DSCAML1: variants seen among roughly 807,000 people sequenced by gnomAD.
DSCAML1 encodes the protein DS cell adhesion molecule like 1, also known as cell adhesion molecule DSCAML1.
Under a neutral mutation model 200.5 loss-of-function variants are expected in DSCAML1, and 38 were observed. That is an observed-to-expected ratio of 0.19 (90% CI 0.15 to 0.25). The LOEUF is 0.25. Ranked by LOEUF, DSCAML1 falls within the 10% of genes least tolerant of loss-of-function variation. The pLI is 1.00. For synonymous variants in DSCAML1, 1,215 were observed against 1,165.0 expected (o/e 1.04, Z -0.87); for missense variants, 2,223 against 2,858.8 (o/e 0.78, Z 5.07).
chr11:117,481,001 T>C (rs946725178), intron 13 of DSCAML1, among the ~76,000 whole-genome samples, 173 bp downstream of exon 13: 4 of 152,160 alleles, frequency 2.6e-5, no homozygotes, highest in Admixed American at 1.3e-4. Flanking sequence ...AAAGGTCTTA[T>C]TTCCCTACTC....
In DSCAML1 at chr11:117,516,352, T is replaced by A; in HGVS notation, c.1783+115A>T. On this transcript the variant is annotated intron_variant, in intron 8 of 32. Coordinates refer to ENST00000651296, the MANE Select transcript of DSCAML1 (RefSeq NM_020693.4). The surrounding 1 kb of genome is among the most constrained non-coding windows in gnomAD (Gnocchi z 5.7). ...AATGCCAAGCTGGGGCCTCTCTTGC[T>A]CAGCCTTCCGTTCACCCAGGATTGC... 1 of 1,360,466 alleles carries A rather than the reference T, an allele frequency of 7.4e-7. No homozygotes were observed. The highest frequency in any genetic ancestry group is 1.4e-5 in the South Asian group (1 of 69,576). 84.3% of individuals were successfully genotyped at this position (1,360,466 alleles called of 1,614,324 possible).
At chr11:117,708,042 T>C (rs1285398309) in intron 3 of DSCAML1, among the ~76,000 whole-genome samples, 1 of 152,162 alleles carries the variant, frequency 6.6e-6, no homozygotes, top group African/African-American at 2.4e-5. Context: ...GCAACTAGCT[T>C]CAACCAGCTG....
At chr11:117,700,821 C>A (rs2053654152) in intron 3 of DSCAML1, among the ~76,000 whole-genome samples, 1 of 152,178 alleles carries the variant, frequency 6.6e-6, no homozygotes, top group South Asian at 2.1e-4. Context: ...AGAGCAGGAC[C>A]TTCTATAATA....
At chr11:117,683,450 T>G (rs1377473714) in intron 3 of DSCAML1, among the ~76,000 whole-genome samples, 2 of 152,270 alleles carry the variant, frequency 1.3e-5, no homozygotes, top group Admixed American at 1.3e-4. Flanking sequence ...TTCAGTCATC[T>G]GCGAGTTTCT....
chr11:117,609,030 AC>A (rs1455516771), intron 3 of DSCAML1, among the ~76,000 whole-genome samples: 4,753 of 116,492 alleles, frequency 0.041, 193 homozygotes, highest in African/African-American at 0.11. Flanking sequence ...AAACAAACAA[AC>A]AAACAAAAAA....
intron 3 of DSCAML1, among the ~76,000 whole-genome samples, chr11:117,569,599 C>T (rs116477903): frequency 2.9e-3 from 448 of 152,348 alleles, no homozygotes; most frequent in African/African-American, 0.01. Context: ...CACCAAGCCA[C>T]TTCCCTCATT....
At position 117,654,721 on chromosome 11, in the gene DSCAML1, C is replaced by T. The variant is rs76253557; in HGVS notation, c.511+122070G>A. 6.8e-3 allele frequency among the ~76,000 whole-genome samples: 1,043 copies of T among 152,288 alleles called. 20 individuals are homozygous for T. In the East Asian group the frequency reaches 0.075, roughly 11 times the overall value. ...TTAAATTGGAAGAGACCTAAGAGAT[C>T]AATCCAGAACACAGCTAGGACGGCC... On this transcript the variant is annotated intron_variant, in intron 3 of 32. Coordinates refer to ENST00000651296, the MANE Select transcript of DSCAML1 (RefSeq NM_020693.4).
In DSCAML1 at chr11:117,505,077, T is replaced by C; in HGVS notation, c.2063-34A>G. On this transcript the variant is annotated intron_variant, in intron 9 of 32. Transcript: ENST00000651296. This position sits in a 1 kb window ranked among gnomAD's most constrained non-coding sequence, Gnocchi z 6.7. ...AGAGGGAAGGTAGGGAAACAGACCA[T>C]TTTAGTCTCTGATGGGTCTCCTAGG... 6.3e-7 allele frequency: 1 copy of C among 1,597,244 alleles called. No homozygotes were observed. Among genetic ancestry groups the C allele is most frequent in the Non-Finnish European group, 8.6e-7 (1 of 1,168,930 alleles).
chr11:117,428,507 G>A lies in DSCAML1; in HGVS notation c.5983C>T (p.Pro1995Ser), dbSNP rs1192587567. ...PPAPGPTPAE[P>S]PTAPSAAPPA... ...GGGGCAGCGCTGGGGGCGGTGGGTGGCTCAGCAGGGGTGGGGCCGGGGGCT... is the reference window on the plus strand; with the variant it reads ...GGGGCAGCGCTGGGGGCGGTGGGTGACTCAGCAGGGGTGGGGCCGGGGGCT... The change falls in exon 33 of 33, where the codon CCA becomes TCA. Residue 1995 changes from proline to serine, a missense_variant. By Grantham distance (74) the Pro-to-Ser change is moderately conservative. Around this residue, in one of 7 missense-constraint regions of DSCAML1, gnomAD observed 280 missense variants for 213.4 expected, o/e 1.31. Coordinates refer to ENST00000651296, the MANE Select transcript of DSCAML1 (RefSeq NM_020693.4). 6.8e-7 allele frequency: 1 copy of A among 1,480,742 alleles called. No individual in the cohort carries two copies. The highest frequency in any genetic ancestry group is 1.3e-5 in the South Asian group (1 of 77,440). The allele number at this position is 1,480,742 out of a possible 1,614,324, so 91.7% of individuals were successfully genotyped here.
intron 20 of DSCAML1, among the ~76,000 whole-genome samples, chr11:117,446,794 AC>A (rs1449105502): frequency 6.6e-6 from 1 of 152,234 alleles, no homozygotes; most frequent in Non-Finnish European, 1.5e-5. Flanking sequence ...TGTATGCAGA[AC>A]TTTAAGAATA....
Position 117,463,663 on chromosome 11 carries a change from G to A in DSCAML1, c.3265+1279C>T, listed in dbSNP as rs1250841314. 6.6e-6 allele frequency among the ~76,000 whole-genome samples: 1 copy of A among 152,192 alleles called. No homozygotes were observed. The highest frequency in any genetic ancestry group is 1.5e-5 in the Non-Finnish European group (1 of 68,028). Reference sequence around the variant, plus strand: ...TCTCAGGGTGGGAGGGATGGAGAGGGATAGCGAGGGCCATGGGCTGAGGGC... The same window carrying A: ...TCTCAGGGTGGGAGGGATGGAGAGGAATAGCGAGGGCCATGGGCTGAGGGC... On this transcript the variant is annotated intron_variant, in intron 17 of 32. Coordinates refer to ENST00000651296, the MANE Select transcript of DSCAML1 (RefSeq NM_020693.4). The surrounding 1 kb of genome is among the most constrained non-coding windows in gnomAD (Gnocchi z 4.0).
rs762901777 is a variant in DSCAML1, at chr11:117,481,251, C to T, written c.2579G>A (p.Gly860Glu). Reference sequence around the variant, plus strand: ...ATGGCAGCTGAAGAACACAGAGTCCCCACGGTCAGCGGGCTTGAGCTGGGA... The same window carrying T: ...ATGGCAGCTGAAGAACACAGAGTCCTCACGGTCAGCGGGCTTGAGCTGGGA... Reference protein sequence around the residue: ...STLKLKPADRGDSVFFSCHAI... With the variant: ...STLKLKPADREDSVFFSCHAI... Residue 860 changes from glycine (G) to glutamate (E), a missense_variant, in exon 13 of 33, where the codon GGG (glycine) becomes GAG (glutamate). Gly to Glu is a moderately conservative substitution (Grantham distance 98). Coordinates refer to ENST00000651296, the MANE Select transcript of DSCAML1 (RefSeq NM_020693.4). 1 of 1,613,834 alleles carries T rather than the reference C, an allele frequency of 6.2e-7. No homozygotes were observed. Among genetic ancestry groups the T allele is most frequent in the Non-Finnish European group, 8.5e-7 (1 of 1,179,972 alleles).
chr11:117,543,294 G>A (rs1271645537), intron 3 of DSCAML1, among the ~76,000 whole-genome samples: 9 of 152,194 alleles, frequency 5.9e-5, no homozygotes, highest in Non-Finnish European at 2.9e-5. Context: ...TGGTGCATGC[G>A]CTGGCATGTT....
At chr11:117,799,209 C>T (rs1306752838), upstream of DSCAML1, among the ~76,000 whole-genome samples, 1 of 152,176 alleles carries the variant, frequency 6.6e-6, no homozygotes, top group Non-Finnish European at 1.5e-5. Flanking sequence ...AGGGAACGGT[C>T]ATTGAGAGGA....
At chr11:117,452,992 G>A (rs2048308340) in intron 19 of DSCAML1, among the ~76,000 whole-genome samples, 1 of 152,050 alleles carries the variant, frequency 6.6e-6, no homozygotes, top group South Asian at 2.1e-4. Flanking sequence ...GTGCAGTGGT[G>A]TGGTCTCGGC....
chr11:117,733,468 G>A (rs1189596310), intron 3 of DSCAML1, among the ~76,000 whole-genome samples: 1 of 152,156 alleles, frequency 6.6e-6, no homozygotes, highest in Non-Finnish European at 1.5e-5. Flanking sequence ...ACTCAAGGTG[G>A]TGGCAGGCCA....
intron 1 of DSCAML1, among the ~76,000 whole-genome samples, chr11:117,815,709 A>C (rs1359095269): frequency 2.0e-5 from 3 of 151,990 alleles, no homozygotes; most frequent in African/African-American, 7.2e-5. Flanking sequence ...TAGGAGCAGG[A>C]CAGGCCAGGC....
At position 117,762,601 on chromosome 11, in the gene DSCAML1, G is replaced by T. The variant is rs952783783; in HGVS notation, c.511+14190C>A. Reference sequence around the variant, plus strand: ...ATATGGGCCGGACACAGTGGCTTACGCCTGTAATCCCAGCACTTTGGGAGG... The same window carrying T: ...ATATGGGCCGGACACAGTGGCTTACTCCTGTAATCCCAGCACTTTGGGAGG... On this transcript the variant is annotated intron_variant, in intron 3 of 32. Coordinates refer to ENST00000651296, the MANE Select transcript of DSCAML1 (RefSeq NM_020693.4). Among the ~76,000 whole-genome samples, 6 of 152,286 alleles carry T rather than the reference G, an allele frequency of 3.9e-5. 1 individual carries two copies. The highest frequency in any genetic ancestry group is 1.4e-4 in the African/African-American group (6 of 41,550).
chr11:117,599,574 C>G (rs2051426860), intron 3 of DSCAML1, among the ~76,000 whole-genome samples: 1 of 152,176 alleles, frequency 6.6e-6, no homozygotes, highest in Non-Finnish European at 1.5e-5. Flanking sequence ...AGCACCGTAG[C>G]CCCTCTCTAT....
Sources: allele counts gnomAD v4.1 joint callset (sites outside exome capture counted in the v4.1 genomes callset), GRCh38; gene constraint gnomAD v4.1.1; regional missense constraint gnomAD v4.1.1; non-coding constraint Gnocchi (gnomAD v3.1); transcripts MANE v1.5; gene names NCBI Gene and HGNC (gene_info 2026-07-23, HGNC 2026-07-21).